Variants in PATJ observed in about 807,000 individuals in gnomAD.
The protein encoded by PATJ is inaD-like protein.
PATJ carries 190 observed loss-of-function variants against 224.9 expected under a neutral mutation model. The observed-to-expected ratio is 0.84, with a 90% confidence interval of 0.75 to 0.95. The LOEUF is 0.95. PATJ is among the 40% of genes least tolerant of loss of function. PATJ has a pLI of 0.00. For missense variants in PATJ, 2,121 were observed against 2,270.3 expected, an observed-to-expected ratio of 0.93 and a Z score of 1.34; for synonymous variants, 769 against 820.3, an observed-to-expected ratio of 0.94 and a Z score of 1.07.
chr1:62,080,511 T>C (rs1207374635), intron 32 of PATJ, among the ~76,000 whole-genome samples: 1 of 151,966 alleles, frequency 6.6e-6, no homozygotes, highest in Non-Finnish European at 1.5e-5. Flanking sequence ...TTTACATTTT[T>C]AGTAGAGATG....
chr1:61,988,309 T>G (rs1475819260), intron 27 of PATJ, among the ~76,000 whole-genome samples: 1 of 152,216 alleles, frequency 6.6e-6, no homozygotes, highest in Non-Finnish European at 1.5e-5. Flanking sequence ...TGACCAGCAG[T>G]CGTAATGGTT....
intron 31 of PATJ, among the ~76,000 whole-genome samples, chr1:62,065,681 GTGGAGACT>G (rs1366176394): frequency 1.3e-4 from 20 of 152,184 alleles, no homozygotes; most frequent in African/African-American, 4.8e-4. Flanking sequence ...CTGGTCCAAT[GTGGAGACT>G]GATTCAACTT....
In PATJ at chr1:61,881,601, G is replaced by C. The variant is rs544718783; in HGVS notation, c.2960-2636G>C. Among the ~76,000 whole-genome samples the C allele has an allele frequency of 2.0e-5, 3 of 151,818 alleles. No individual in the cohort carries two copies. The East Asian group carries it at 5.8e-4, about 29-fold the overall frequency. ...TAATTTTTGTATTTTTAGTAGAGAC[G>C]GGATTTTGCCATGTTGTCCAGGCTG... On this transcript the variant is annotated intron_variant, in intron 21 of 43. Transcript: ENST00000642238.
intron 27 of PATJ, among the ~76,000 whole-genome samples, chr1:61,941,743 T>C (rs1350715979): frequency 6.6e-6 from 1 of 152,216 alleles, no homozygotes; most frequent in Non-Finnish European, 1.5e-5. Context: ...TAATAAATTT[T>C]AATATAAAAA....
chr1:62,032,670 C>T (rs1203032749), intron 29 of PATJ, among the ~76,000 whole-genome samples: 1 of 152,124 alleles, frequency 6.6e-6, no homozygotes, highest in Non-Finnish European at 1.5e-5. Context: ...TAAATATATT[C>T]TACAAACAAG....
chr1:62,094,608 C>CAG (rs1186248767), intron 33 of PATJ, among the ~76,000 whole-genome samples: 52 of 142,628 alleles, frequency 3.6e-4, no homozygotes, highest in East Asian at 1.3e-3. Flanking sequence ...CACACACACA[C>CAG]AGAGATGTTA....
chr1:62,153,031 CA>C (rs958841903), intron 42 of PATJ, among the ~76,000 whole-genome samples: 4 of 135,712 alleles, frequency 2.9e-5, no homozygotes, highest in Non-Finnish European at 4.5e-5. Flanking sequence ...AGCTCCGTCT[CA>C]AAAAAAGAAA....
At chr1:62,141,308 A>C (rs1667469652) in intron 41 of PATJ, among the ~76,000 whole-genome samples, 1 of 152,130 alleles carries the variant, frequency 6.6e-6, no homozygotes, top group African/African-American at 2.4e-5. Context: ...CTCATCTGTA[A>C]TATGGAAATA....
At chr1:62,052,823 A>C (rs1415578157) in intron 31 of PATJ, among the ~76,000 whole-genome samples, 2 of 152,150 alleles carry the variant, frequency 1.3e-5, no homozygotes, top group Non-Finnish European at 2.9e-5. Context: ...GCATTTTTGC[A>C]CTACAGGGAA....
chr1:61,767,395 C>T (rs1358825211), intron 4 of PATJ, among the ~76,000 whole-genome samples: 2 of 151,794 alleles, frequency 1.3e-5, no homozygotes, highest in African/African-American at 2.4e-5. Flanking sequence ...AAAATATAGT[C>T]GGGCATGGTG....
At chr1:61,821,094 G>A (rs1657169712) in intron 14 of PATJ, among the ~76,000 whole-genome samples, 1 of 150,966 alleles carries the variant, frequency 6.6e-6, no homozygotes, top group Admixed American at 6.6e-5. Context: ...AGGCTGGAGT[G>A]CAGTGGTGCA....
intron 1 of PATJ, among the ~76,000 whole-genome samples, chr1:61,756,826 C>G (rs1012321265): frequency 3.3e-5 from 5 of 151,798 alleles, no homozygotes; most frequent in Non-Finnish European, 7.4e-5. Context: ...GATCCACCTG[C>G]CTCCCAAAAT....
In PATJ at chr1:61,864,900, C is replaced by A. The variant is rs138696799; in HGVS notation, c.2835+267C>A. ...GCTTTGCTTTTTTAGTGATGTTTTT[C>A]CAATTTCTCATTTCAGAGAAGAGTT... On this transcript the variant is annotated intron_variant, in intron 20 of 43. Transcript: ENST00000642238. Among the ~76,000 whole-genome samples, 264 of 151,558 alleles carry A rather than the reference C, an allele frequency of 1.7e-3. 1 individual carries two copies. Among genetic ancestry groups the A allele is most frequent in the African/African-American group, 6.0e-3 (248 of 41,286 alleles).
In PATJ at chr1:61,759,347, T is replaced by C. The variant is rs114769665; in HGVS notation, c.-35-3511T>C. Among the ~76,000 whole-genome samples the C allele has an allele frequency of 1.7e-3, 265 of 152,016 alleles. 2 individuals carry two copies. The highest frequency in any genetic ancestry group is 6.0e-3 in the African/African-American group (250 of 41,494). ...CTGAAGGAGTGAGCCACAGGCTTGC[T>C]GTTAACCCTTTCCCCCTCATCCCCT... On this transcript the variant is annotated intron_variant, in intron 1 of 43. Transcript: ENST00000642238.
chr1:62,131,073 A>G (rs1441039504), intron 41 of PATJ, among the ~76,000 whole-genome samples: 1 of 152,220 alleles, frequency 6.6e-6, no homozygotes, highest in Non-Finnish European at 1.5e-5. Flanking sequence ...AAGGGAGTTT[A>G]TGTGATAGGC....
intron 33 of PATJ, among the ~76,000 whole-genome samples, chr1:62,087,890 G>T (rs934276552): frequency 1.8e-4 from 26 of 144,932 alleles, no homozygotes; most frequent in African/African-American, 4.7e-4. Context: ...ATAATTCTTT[G>T]TAATTTTTTT....
At chr1:61,991,122 C>T (rs1157755781) in intron 28 of PATJ, among the ~76,000 whole-genome samples, 1 of 151,982 alleles carries the variant, frequency 6.6e-6, no homozygotes, top group Non-Finnish European at 1.5e-5. Context: ...TAGTATAGCT[C>T]ACAGTCTAGA....
intron 33 of PATJ, among the ~76,000 whole-genome samples, chr1:62,090,888 A>AAT (rs1358375478): frequency 2.6e-5 from 4 of 152,206 alleles, no homozygotes; most frequent in African/African-American, 4.8e-5. Context: ...TTTTATCAGC[A>AAT]ATACCCTCAG....
At chr1:61,892,286 C>A (rs186860321) in intron 22 of PATJ, among the ~76,000 whole-genome samples, 1 of 152,228 alleles carries the variant, frequency 6.6e-6, no homozygotes, top group East Asian at 1.9e-4. Context: ...TCCCTGCTTC[C>A]ATCATTTTTG....
Sources: allele counts gnomAD v4.1 joint callset (sites outside exome capture counted in the v4.1 genomes callset), GRCh38; gene constraint gnomAD v4.1.1; transcripts MANE v1.5; gene names NCBI Gene and HGNC (gene_info 2026-07-23, HGNC 2026-07-21).